LAMA1: variants seen among roughly 807,000 people sequenced by gnomAD.
LAMA1 encodes laminin subunit alpha-1.
A neutral mutation model predicts 348.7 loss-of-function variants in LAMA1; 219 were observed. The ratio of observed to expected loss-of-function variants is 0.63; its 90% CI spans 0.56 to 0.70. The LOEUF is 0.70. Among genes scored for constraint, LAMA1 ranks in the 30% least tolerant of loss-of-function variants. The probability of loss-of-function intolerance (pLI) is 0.00; values close to 1 mark genes in which losing one functional copy is unlikely to be tolerated. For missense variants in LAMA1, 3,744 were observed against 3,888.0 expected, an observed-to-expected ratio of 0.96 and a Z score of 0.99; for synonymous variants, 1,487 against 1,491.0, an observed-to-expected ratio of 1.00 and a Z score of 0.06.
chr18:7,059,304 A>C (rs2058094145), intron 3 of LAMA1, among the ~76,000 whole-genome samples: 1 of 152,148 alleles, frequency 6.6e-6, no homozygotes. Flanking sequence ...GCTGAACACA[A>C]ATTGATGATG....
In LAMA1 at chr18:7,010,847, G is replaced by A. The variant is rs796661925; in HGVS notation, c.3687+453C>T. Among the ~76,000 whole-genome samples the A allele has an allele frequency of 9.2e-5, 14 of 152,242 alleles. 1 individual carries two copies. Among genetic ancestry groups the A allele is most frequent in the African/African-American group, 3.4e-4 (14 of 41,546 alleles). The stretch of plus-strand genomic sequence containing the variant: ...ATAATTTCTTGAAAAGGGACTCCCA[G>A]GCCATAGCACCTAGGTTTGTACCAA... On this transcript the variant is annotated intron_variant, in intron 25 of 62. Transcript: ENST00000389658.
At chr18:7,045,959 T>A (rs2058040484) in intron 6 of LAMA1, among the ~76,000 whole-genome samples, 1 of 152,066 alleles carries the variant, frequency 6.6e-6, no homozygotes, top group Non-Finnish European at 1.5e-5. Context: ...TGCACTTTTT[T>A]TTTTTTTTAC....
Position 6,982,536 on chromosome 18 carries a change from A to G in LAMA1, c.5851T>C (p.Phe1951Leu). The G allele has an allele frequency of 6.2e-7, 1 of 1,614,152 alleles. No homozygotes were observed. The highest frequency in any genetic ancestry group is 1.3e-5 in the African/African-American group (1 of 75,036). ...CTGAGGTTGTTGCCTTCTTTTAGAA[A>G]TCTGGAGCTGCGCTGCACGGCCGCT... ...GKAAVQRSSR[F>L]LKEGNNLSRK... Residue 1951 changes from phenylalanine (F) to leucine (L), a missense_variant, in exon 41 of 63, where the codon TTT becomes CTT. By Grantham distance (22) the Phe-to-Leu change is conservative. Coordinates refer to ENST00000389658, the MANE Select transcript of LAMA1 (RefSeq NM_005559.4).
chr18:7,036,408 T>C (rs982617537), intron 12 of LAMA1, among the ~76,000 whole-genome samples: 3 of 152,226 alleles, frequency 2.0e-5, no homozygotes, highest in African/African-American at 7.2e-5. Context: ...GTTAAGTAAT[T>C]TAGGGGATGA....
rs554047194 is a variant in LAMA1 at position 7,039,043 on chromosome 18, A to T, written c.1423-93T>A. ...TAACAAGATAGGTGTTCGGTGATCC[A>T]CAGAGACAGGTGAATAAACGTCCAA... On this transcript the variant is annotated intron_variant, in intron 10 of 62. Transcript: ENST00000389658. The T allele has an allele frequency of 1.9e-5, 19 of 1,026,178 alleles. No individual in the cohort carries two copies. In the African/African-American group the frequency reaches 2.3e-4, roughly 13 times the overall value. 63.6% of individuals were successfully genotyped at this position (1,026,178 alleles called of 1,614,324 possible). A position where few individuals can be genotyped will look rare whatever the true frequency, so the allele number is the denominator to read the frequency against.
At chr18:6,995,315 A>C (rs1243911311) in intron 34 of LAMA1, 42 bp downstream of exon 34, 1 of 1,357,600 alleles carries the variant, frequency 7.4e-7, no homozygotes, top group African/African-American at 1.4e-5. Flanking sequence ...GGCTGATGGG[A>C]GGGACCAGGA....
At chr18:7,036,379 A>T (rs1163358476) in intron 12 of LAMA1, among the ~76,000 whole-genome samples, 1 of 152,272 alleles carries the variant, frequency 6.6e-6, no homozygotes, top group African/African-American at 2.4e-5. Context: ...TGTTAATCAC[A>T]CAATAGATAT....
Position 7,044,753 on chromosome 18 carries a change from C to T in LAMA1, c.945G>A (p.Pro315=), listed in dbSNP as rs773436014. The T allele has an allele frequency of 3.0e-5, 48 of 1,613,956 alleles. No individual in the cohort carries two copies. The highest frequency in any genetic ancestry group is 4.5e-5 in the East Asian group (2 of 44,880). Residue 315 remains proline (P), a synonymous_variant, in exon 7 of 63, where the codon CCG becomes CCA. Coordinates refer to ENST00000389658, the MANE Select transcript of LAMA1 (RefSeq NM_005559.4). ...CPGYHQQPWR[P]GTVSSGNTCE... is the part of the protein sequence containing the mutation. The stretch of plus-strand genomic sequence containing the variant: ...ATGTATTGCCGGAGGACACGGTTCC[C>T]GGCCTCCAGGGCTGCTGATGGTACC...
chr18:7,038,365 T>G (rs928095277), intron 11 of LAMA1, among the ~76,000 whole-genome samples: 2 of 152,140 alleles, frequency 1.3e-5, no homozygotes, highest in Non-Finnish European at 2.9e-5. Flanking sequence ...CAACTTGGCC[T>G]GCATTCCTAA....
intron 5 of LAMA1, among the ~76,000 whole-genome samples, chr18:7,048,332 T>C (rs1459760591): frequency 6.6e-6 from 1 of 152,174 alleles, no homozygotes; most frequent in African/African-American, 2.4e-5. Context: ...AAATGACTGA[T>C]AGCACTAAAT....
intron 48 of LAMA1, among the ~76,000 whole-genome samples, chr18:6,971,177 T>C (rs961266889): frequency 3.9e-5 from 6 of 152,234 alleles, no homozygotes; most frequent in Non-Finnish European, 8.8e-5. Context: ...ACAGGTTTTA[T>C]ATACTTAAGG....
At position 7,028,125 on chromosome 18, in the gene LAMA1, A is replaced by T. The variant is rs984793838; in HGVS notation, c.2275-2019T>A. On this transcript the variant is annotated intron_variant, in intron 16 of 62. Transcript: ENST00000389658. ...CGGCTTCGACATTGTAGGAGAAAAGACTAGTGAATTTGAAGACAACAACAG... is the reference window on the plus strand; with the variant it reads ...CGGCTTCGACATTGTAGGAGAAAAGTCTAGTGAATTTGAAGACAACAACAG... Among the ~76,000 whole-genome samples the T allele has an allele frequency of 7.2e-5, 11 of 152,338 alleles. No homozygotes were observed. The East Asian group carries it at 2.1e-3, about 29-fold the overall frequency.
intron 1 of LAMA1, among the ~76,000 whole-genome samples, chr18:7,115,897 T>C (rs2058354250): frequency 1.3e-5 from 2 of 150,776 alleles, no homozygotes; most frequent in African/African-American, 4.9e-5. Flanking sequence ...CAGAATTGTT[T>C]GAACCCGGGA....
At chr18:6,966,433 T>A in intron 48 of LAMA1, 136 bp from the exon 49 acceptor site, 1 of 775,164 alleles carries the variant, frequency 1.3e-6, no homozygotes, top group Non-Finnish European at 2.2e-6. Context: ...GTGTAGATGA[T>A]AATATTTAAA....
At chr18:7,109,174 G>A (rs892971725) in intron 1 of LAMA1, among the ~76,000 whole-genome samples, 6 of 152,216 alleles carry the variant, frequency 3.9e-5, no homozygotes, top group Non-Finnish European at 7.3e-5. Context: ...TACCCAGAGA[G>A]GTGCCAGGGC....
chr18:6,989,947 A>G (rs1332268424), intron 36 of LAMA1, among the ~76,000 whole-genome samples: 1 of 152,202 alleles, frequency 6.6e-6, no homozygotes, highest in Non-Finnish European at 1.5e-5. Context: ...TTCATGGGAC[A>G]CTAGTGTTAT....
chr18:7,113,268 A>T (rs760919428), intron 1 of LAMA1, among the ~76,000 whole-genome samples: 1 of 152,238 alleles, frequency 6.6e-6, no homozygotes, highest in Non-Finnish European at 1.5e-5. Flanking sequence ...TTAAGAGCCC[A>T]TGTGCCAGGA....
chr18:6,977,608 T>A, intron 44 of LAMA1, 119 bp downstream of exon 44: 2 of 1,140,298 alleles, frequency 1.8e-6, no homozygotes, highest in South Asian at 1.4e-5. Context: ...ATTATTGGGA[T>A]CTGGGTCTTT....
intron 1 of LAMA1, among the ~76,000 whole-genome samples, chr18:7,110,319 A>G (rs944958863): frequency 3.7e-4 from 56 of 152,222 alleles, no homozygotes; most frequent in African/African-American, 1.4e-3. Context: ...AACAAAATTA[A>G]GAGAGACAAT....
Sources: allele counts gnomAD v4.1 joint callset (sites outside exome capture counted in the v4.1 genomes callset), GRCh38; gene constraint gnomAD v4.1.1; transcripts MANE v1.5; gene names NCBI Gene and HGNC (gene_info 2026-07-23, HGNC 2026-07-21).